C1QTNF7: variants seen among roughly 807,000 people sequenced by gnomAD.
C1QTNF7 encodes C1q and TNF related 7.
C1QTNF7 carries 15 observed loss-of-function variants against 19.6 expected under a neutral mutation model. That is an observed-to-expected ratio of 0.76 (90% CI 0.51 to 1.18). The LOEUF is 1.18. Among genes scored for constraint, C1QTNF7 ranks in the 50% most tolerant of loss-of-function variants. The probability of loss-of-function intolerance (pLI) is 0.00; values close to 1 mark genes in which losing one functional copy is unlikely to be tolerated. For missense variants in C1QTNF7, 324 were observed against 359.7 expected, an observed-to-expected ratio of 0.90 and a Z score of 0.80; for synonymous variants, 142 against 137.5, an observed-to-expected ratio of 1.03 and a Z score of -0.23.
intron 1 of C1QTNF7, among the ~76,000 whole-genome samples, chr4:15,348,372 G>A (rs1716787606): frequency 6.6e-6 from 1 of 152,136 alleles, no homozygotes; most frequent in Non-Finnish European, 1.5e-5. Flanking sequence ...ATTATTCAAG[G>A]CCTGGGATGT....
intron 1 of C1QTNF7, among the ~76,000 whole-genome samples, chr4:15,363,350 G>T (rs1237028864): frequency 6.6e-6 from 1 of 151,984 alleles, no homozygotes; most frequent in Non-Finnish European, 1.5e-5. Flanking sequence ...AAACTTTGTG[G>T]TCATAAGAGA....
intron 1 of C1QTNF7, among the ~76,000 whole-genome samples, chr4:15,370,394 C>T (rs1327948129): frequency 6.6e-6 from 1 of 152,130 alleles, no homozygotes; most frequent in African/African-American, 2.4e-5. Flanking sequence ...TAACTGACAC[C>T]AAAGAATAAT....
Position 15,435,908 on chromosome 4 carries a change from T to C in C1QTNF7, c.165T>C (p.His55=), listed in dbSNP as rs944833525. 3.1e-6 allele frequency: 5 copies of C among 1,613,878 alleles called. No homozygotes were observed. The African/African-American group carries it at 6.7e-5, about 22-fold the overall frequency. The part of the protein sequence containing the change: ...PPGANGSPGP[H]GRIGLPGRDG... ...GAGCAAATGGTTCCCCTGGGCCCCATGGTCGCATCGGCCTTCCAGGAAGAG... is the reference window on the plus strand; with the variant it reads ...GAGCAAATGGTTCCCCTGGGCCCCACGGTCGCATCGGCCTTCCAGGAAGAG... Residue 55 remains histidine, a synonymous_variant, in exon 2 of 3, where the codon CAT becomes CAC. Coordinates refer to ENST00000444304, the MANE Select transcript of C1QTNF7 (RefSeq NM_031911.5).
At chr4:15,397,742 C>G (rs1299846080) in intron 1 of C1QTNF7, among the ~76,000 whole-genome samples, 1 of 152,214 alleles carries the variant, frequency 6.6e-6, no homozygotes, top group Non-Finnish European at 1.5e-5. Context: ...TAAAAAAGAG[C>G]AACATTCTAT....
At chr4:15,342,246 T>A (rs1334376708) in intron 1 of C1QTNF7, among the ~76,000 whole-genome samples, 1 of 151,982 alleles carries the variant, frequency 6.6e-6, no homozygotes, top group African/African-American at 2.4e-5. Flanking sequence ...TGTTAACCAA[T>A]GAACTGCCGG....
chr4:15,363,028 C>G (rs1717396483), intron 1 of C1QTNF7, among the ~76,000 whole-genome samples: 1 of 152,108 alleles, frequency 6.6e-6, no homozygotes. Context: ...AACCTGGGTT[C>G]CCTGCCTTGA....
At chr4:15,416,686 C>A (rs925709495) in intron 1 of C1QTNF7, among the ~76,000 whole-genome samples, 1 of 152,198 alleles carries the variant, frequency 6.6e-6, no homozygotes, top group Non-Finnish European at 1.5e-5. Flanking sequence ...CTCAGACAAC[C>A]CCTTTTCCAT....
intron 1 of C1QTNF7, among the ~76,000 whole-genome samples, chr4:15,349,835 T>C (rs1360922607): frequency 6.6e-6 from 1 of 152,136 alleles, no homozygotes; most frequent in Non-Finnish European, 1.5e-5. Flanking sequence ...AAATCCTATT[T>C]AGAAAGATGT....
At chr4:15,427,997 ATC>A, upstream of C1QTNF7, 1 of 978,858 alleles carries the variant, frequency 1.0e-6, no homozygotes, top group South Asian at 4.7e-5. Context: ...GAGAATTTGG[ATC>A]TGTTATTCTG....
chr4:15,414,600 C>T (rs1428222016), intron 1 of C1QTNF7, among the ~76,000 whole-genome samples: 1 of 151,950 alleles, frequency 6.6e-6, no homozygotes, highest in Non-Finnish European at 1.5e-5. Context: ...AGTTCCCCAA[C>T]CTGACTAGAA....
At chr4:15,343,296 A>G (rs922521622) in intron 1 of C1QTNF7, among the ~76,000 whole-genome samples, 2 of 152,226 alleles carry the variant, frequency 1.3e-5, no homozygotes, top group African/African-American at 4.8e-5. Flanking sequence ...AGTTGAGGCC[A>G]TGTGTCCTTT....
chr4:15,356,598 A>C (rs1247217259), intron 1 of C1QTNF7, among the ~76,000 whole-genome samples: 4 of 152,164 alleles, frequency 2.6e-5, no homozygotes, highest in African/African-American at 2.4e-5. Context: ...ATTTATAATC[A>C]TTTGGGTCTA....
upstream of C1QTNF7, among the ~76,000 whole-genome samples, chr4:15,423,823 C>G (rs1014216818): frequency 1.3e-5 from 2 of 152,156 alleles, no homozygotes; most frequent in African/African-American, 4.8e-5. Context: ...CCTACCGTTT[C>G]CCCCCCTTTT....
intron 1 of C1QTNF7, among the ~76,000 whole-genome samples, chr4:15,419,656 G>T (rs986076260): frequency 6.6e-6 from 1 of 151,984 alleles, no homozygotes; most frequent in African/African-American, 2.4e-5. Context: ...CTGATATTTC[G>T]TGAGCGTATA....
chr4:15,435,715 G>C (rs372719776), intron 1 of C1QTNF7, 21 bp from the exon 2 acceptor site: 17 of 1,613,382 alleles, frequency 1.1e-5, no homozygotes, highest in Non-Finnish European at 1.4e-5. Flanking sequence ...GTTCATTTAC[G>C]TCTGTGTGTT....
At chr4:15,385,648 A>C (rs1718305497) in intron 1 of C1QTNF7, among the ~76,000 whole-genome samples, 2 of 152,182 alleles carry the variant, frequency 1.3e-5, no homozygotes, top group Non-Finnish European at 2.9e-5. Context: ...TTTCAACAGA[A>C]GAGTGACTGA....
intron 1 of C1QTNF7, among the ~76,000 whole-genome samples, chr4:15,396,547 A>G (rs1718788841): frequency 6.6e-6 from 1 of 152,156 alleles, no homozygotes; most frequent in South Asian, 2.1e-4. Context: ...TTTAGTTTCC[A>G]AAAACCCTAA....
chr4:15,405,510 A>T (rs1719157843), intron 1 of C1QTNF7, among the ~76,000 whole-genome samples: 1 of 152,220 alleles, frequency 6.6e-6, no homozygotes, highest in Non-Finnish European at 1.5e-5. Flanking sequence ...TAGCAGAGGC[A>T]GAGGTGGAAA....
At chr4:15,376,581 C>G (rs1397762292) in intron 1 of C1QTNF7, among the ~76,000 whole-genome samples, 2 of 152,168 alleles carry the variant, frequency 1.3e-5, no homozygotes, top group Non-Finnish European at 2.9e-5. Flanking sequence ...TTGTTTTTGT[C>G]TCTTTCATAT....
Sources: gnomAD v4.1 joint callset for allele counts (sites outside exome capture counted in the v4.1 genomes callset) on GRCh38, gnomAD v4.1.1 for gene constraint, MANE v1.5 for transcripts, NCBI Gene and HGNC (gene_info 2026-07-23, HGNC 2026-07-21) for gene names.